The following ASB13 variants were observed in gnomAD, a reference collection of about 807,000 sequenced individuals.
The protein encoded by ASB13 is ankyrin repeat and SOCS box protein 13.
Under a neutral mutation model 28.8 loss-of-function variants are expected in ASB13, and 33 were observed. The observed-to-expected ratio is 1.15, with a 90% CI of 0.87 to 1.53. ASB13 has a LOEUF of 1.53. Ranked by LOEUF, ASB13 falls within the 40% of genes most tolerant of loss-of-function variation. ASB13 has a pLI of 0.00. For synonymous variants in ASB13, 182 were observed against 172.9 expected (o/e 1.05, Z -0.41); for missense variants, 414 against 390.1 (o/e 1.06, Z -0.52).
In ASB13 at chr10:5,649,032, G is replaced by T. The variant is rs764444666; in HGVS notation, c.455C>A (p.Thr152Asn). The change falls in exon 4 of 6, where the codon ACC (threonine) becomes AAC (asparagine). Residue 152 changes from threonine to asparagine, a missense_variant. Physicochemically the swap from Thr to Asn is moderately conservative, Grantham distance 65. Coordinates refer to ENST00000357700, the MANE Select transcript of ASB13 (RefSeq NM_024701.4). The surrounding 1 kb of genome is among the most constrained non-coding windows in gnomAD (Gnocchi z 6.4). ...NLEAHDCHFG[T>N]PLHVACAREH... is the part of the protein sequence containing the mutation. ...CCGGGCACAGGCAACGTGCAGAGGG[G>T]TCCCAAAATGGCAATCGTGCGCTTC... The T allele has an allele frequency of 6.2e-7, 1 of 1,614,270 alleles. No individual in the cohort carries two copies. Among genetic ancestry groups the T allele is most frequent in the Non-Finnish European group, 8.5e-7 (1 of 1,180,052 alleles).
chr10:5,665,121 T>G (rs759591437), intron 1 of ASB13, among the ~76,000 whole-genome samples: 3 of 152,302 alleles, frequency 2.0e-5, no homozygotes, highest in South Asian at 4.1e-4. Context: ...CCTCCCAAAG[T>G]GCTGGCATTA....
In ASB13 at chr10:5,666,544, G is replaced by T. The variant is rs1000192664; in HGVS notation, c.8C>A (p.Pro3His). 1 of 1,211,252 alleles carries T rather than the reference G, an allele frequency of 8.3e-7. No individual in the cohort carries two copies. 75.0% of individuals were successfully genotyped at this position (1,211,252 alleles called of 1,614,324 possible). Residue 3 changes from proline (P) to histidine (H), a missense_variant, in exon 1 of 6, where the codon CCC (proline) becomes CAC (histidine). By Grantham distance (77) the Pro-to-His change is moderately conservative. Coordinates refer to ENST00000357700, the MANE Select transcript of ASB13 (RefSeq NM_024701.4). ME[P>H]RAADGCFLGD... ...CAGGAAGCAGCCGTCCGCCGCCCGG[G>T]GCTCCATGCGGCTCACCGGCGGCCG...
At chr10:5,648,891 C>A (rs878961347) in intron 4 of ASB13, 79 bp downstream of exon 4, 2 of 1,563,174 alleles carry the variant, frequency 1.3e-6, no homozygotes, top group Non-Finnish European at 8.7e-7. Flanking sequence ...CCCACTTGGG[C>A]AAACACCCAC....
chr10:5,648,767 C>A (rs34682277), intron 4 of ASB13, among the ~76,000 whole-genome samples: 21,818 of 146,210 alleles, frequency 0.15, 962 homozygotes, highest in Middle Eastern at 0.23. Context: ...CTCAGGCAAA[C>A]ACCCACTGGG....
At position 5,651,415 on chromosome 10, in the gene ASB13, C is replaced by G; in HGVS notation, c.232-52G>C. 1 of 1,505,142 alleles carries G rather than the reference C, an allele frequency of 6.6e-7. No individual in the cohort carries two copies. The highest frequency in any genetic ancestry group is 2.2e-5 in the Admixed American group (1 of 46,218). The allele number at this position is 1,505,142 out of a possible 1,614,324, so 93.2% of individuals were successfully genotyped here. ...AAGGGCAGAGAAATGCCACGCAACCCACTTTCCCATCCTGCTGCAGGTTCA... is the reference window on the plus strand; with the variant it reads ...AAGGGCAGAGAAATGCCACGCAACCGACTTTCCCATCCTGCTGCAGGTTCA... On this transcript the variant is annotated intron_variant, in intron 2 of 5. Coordinates refer to ENST00000357700, the MANE Select transcript of ASB13 (RefSeq NM_024701.4). The surrounding 1 kb of genome is among the most constrained non-coding windows in gnomAD (Gnocchi z 5.1).
In ASB13 at chr10:5,661,192, C is replaced by T. The variant is rs1835159778; in HGVS notation, c.43+5317G>A. Among the ~76,000 whole-genome samples the T allele has an allele frequency of 2.0e-5, 3 of 152,148 alleles. No individual in the cohort carries two copies. The highest frequency in any genetic ancestry group is 1.3e-4 in the Admixed American group (2 of 15,280). On this transcript the variant is annotated intron_variant, in intron 1 of 5. Transcript: ENST00000357700. This position sits in a 1 kb window ranked among gnomAD's most constrained non-coding sequence, Gnocchi z 4.9. ...TCTAGGAGGCAGCTGGCCTGCTGGC[C>T]CCTGCACACTGCAGAGCTGGGCACC...
At chr10:5,666,465 C>T (rs1312284284) in intron 1 of ASB13, 44 bp downstream of exon 1, 3 of 1,277,180 alleles carry the variant, frequency 2.3e-6, no homozygotes, top group South Asian at 2.3e-5. Flanking sequence ...CCTCAGGAGC[C>T]GGCGCCGCTG....
chr10:5,642,065 C>A lies in ASB13; in HGVS notation c.518-104G>T. 2 of 1,139,864 alleles carry A rather than the reference C, an allele frequency of 1.8e-6. No homozygotes were observed. The highest frequency in any genetic ancestry group is 4.9e-5 in the East Asian group (2 of 40,770). 70.6% of individuals were successfully genotyped at this position (1,139,864 alleles called of 1,614,324 possible). ...CACAGCACGGTGGCAGAAGCAATCC[C>A]CACCCAGAAGACAAAATCAGGACAG... On this transcript the variant is annotated intron_variant, in intron 4 of 5. Transcript: ENST00000357700. This position sits in a 1 kb window ranked among gnomAD's most constrained non-coding sequence, Gnocchi z 4.1.
rs748031904 is a variant in ASB13 at position 5,659,317 on chromosome 10, GC to G, written c.44-6268del. On this transcript the variant is annotated intron_variant, in intron 1 of 5. Coordinates refer to ENST00000357700, the MANE Select transcript of ASB13 (RefSeq NM_024701.4). The surrounding 1 kb of genome is among the most constrained non-coding windows in gnomAD (Gnocchi z 5.8). ...ACCCACTGCTGCCACATAATAGGTT[GC>G]CCCCTCCCTAATGCAGATGATTGAC... Among the ~76,000 whole-genome samples the G allele has an allele frequency of 4.6e-5, 7 of 152,222 alleles. No homozygotes were observed. Among genetic ancestry groups the G allele is most frequent in the South Asian group, 4.2e-4 (2 of 4,812 alleles).
At position 5,664,189 on chromosome 10, in the gene ASB13, G is replaced by A. The variant is rs568016157; in HGVS notation, c.43+2320C>T. ...GGGAGGGCACTGAACGCAAAGGGAT[G>A]CGCAAATCCCCATAAACAACAGGAA... On this transcript the variant is annotated intron_variant, in intron 1 of 5. Coordinates refer to ENST00000357700, the MANE Select transcript of ASB13 (RefSeq NM_024701.4). The surrounding 1 kb of genome is among the most constrained non-coding windows in gnomAD (Gnocchi z 4.2). Among the ~76,000 whole-genome samples the A allele has an allele frequency of 1.1e-4, 17 of 152,210 alleles. No individual in the cohort carries two copies. Among genetic ancestry groups the A allele is most frequent in the African/African-American group, 3.6e-4 (15 of 41,516 alleles).
Position 5,652,864 on chromosome 10 carries a change from T to G in ASB13, c.230A>C (p.Gln77Pro). The G allele has an allele frequency of 6.5e-7, 1 of 1,540,562 alleles. No individual in the cohort carries two copies. Among genetic ancestry groups the G allele is most frequent in the Non-Finnish European group, 8.8e-7 (1 of 1,141,638 alleles). The change falls in exon 2 of 6, where the codon CAG (glutamine) becomes CCG (proline). Residue 77 changes from glutamine (Q) to proline (P), a missense_variant and splice_region_variant. By Grantham distance (76) the Gln-to-Pro change is moderately conservative. Coordinates refer to ENST00000357700, the MANE Select transcript of ASB13 (RefSeq NM_024701.4). The surrounding 1 kb of genome is among the most constrained non-coding windows in gnomAD (Gnocchi z 5.0). ...CVQLLLAAGA[Q>P]VDARNIDGST... is the part of the protein sequence containing the mutation. ...GGTCTGCCCTGAAGGGCCACTCACCTGGGCCCCAGCCGCCAGCAGCAGCTG... is the reference window on the plus strand; with the variant it reads ...GGTCTGCCCTGAAGGGCCACTCACCGGGGCCCCAGCCGCCAGCAGCAGCTG...
In ASB13 at chr10:5,641,876, A is replaced by G; in HGVS notation, c.603T>C (p.Leu201=). ...CGTAGATGTTGCCGCCAAACTCGAT[A>G]AGCATCTCGATGAGGTCAACATTCT... The part of the protein sequence containing the change: ...KVKNVDLIEM[L]IEFGGNIYAR... The change falls in exon 5 of 6, where the codon CTT becomes CTC. Residue 201 remains leucine (L), a synonymous_variant. Coordinates refer to ENST00000357700, the MANE Select transcript of ASB13 (RefSeq NM_024701.4). This position sits in a 1 kb window ranked among gnomAD's most constrained non-coding sequence, Gnocchi z 8.4. The G allele has an allele frequency of 1.2e-6, 2 of 1,614,068 alleles. No individual in the cohort carries two copies. Among genetic ancestry groups the G allele is most frequent in the South Asian group, 1.1e-5 (1 of 91,066 alleles).
Position 5,658,549 on chromosome 10 carries a change from G to T in ASB13, c.44-5499C>A, listed in dbSNP as rs2131455593. Among the ~76,000 whole-genome samples the T allele has an allele frequency of 6.6e-6, 1 of 152,282 alleles. No individual in the cohort carries two copies. The highest frequency in any genetic ancestry group is 1.9e-4 in the East Asian group (1 of 5,182). ...GGAAAGTAGAAAGGTAGTTGCCAGGGGCTTGGGGGAGGAGAAATGGGGAGT... is the reference window on the plus strand; with the variant it reads ...GGAAAGTAGAAAGGTAGTTGCCAGGTGCTTGGGGGAGGAGAAATGGGGAGT... On this transcript the variant is annotated intron_variant, in intron 1 of 5. Transcript: ENST00000357700. This position sits in a 1 kb window ranked among gnomAD's most constrained non-coding sequence, Gnocchi z 4.2.
rs1358658864 is a variant in ASB13 at position 5,645,446 on chromosome 10, A to G, written c.518-3485T>C. On this transcript the variant is annotated intron_variant, in intron 4 of 5. Coordinates refer to ENST00000357700, the MANE Select transcript of ASB13 (RefSeq NM_024701.4). This position sits in a 1 kb window ranked among gnomAD's most constrained non-coding sequence, Gnocchi z 5.4. ...TCAGATTAAAAATTACTTCACCATCATAACCGGACTTTCACCCTCCCCAGC... is the reference window on the plus strand; with the variant it reads ...TCAGATTAAAAATTACTTCACCATCGTAACCGGACTTTCACCCTCCCCAGC... Among the ~76,000 whole-genome samples the G allele has an allele frequency of 6.6e-6, 1 of 152,144 alleles. No homozygotes were observed. The highest frequency in any genetic ancestry group is 1.9e-4 in the East Asian group (1 of 5,196).
Position 5,642,654 on chromosome 10 carries a change from T to G in ASB13, c.518-693A>C, listed in dbSNP as rs1406354740. ...GTAGCTAAATATGGCTGGTTTTGGG[T>G]TTTTTTTTTTGAGACAGAGTCTCAC... On this transcript the variant is annotated intron_variant, in intron 4 of 5. Coordinates refer to ENST00000357700, the MANE Select transcript of ASB13 (RefSeq NM_024701.4). The surrounding 1 kb of genome is among the most constrained non-coding windows in gnomAD (Gnocchi z 4.1). 1.3e-4 allele frequency: 32 copies of G among 249,410 alleles called. No homozygotes were observed. The highest frequency in any genetic ancestry group is 7.0e-4 in the African/African-American group (7 of 10,030). The allele number at this position is 249,410 out of a possible 1,614,324, so 15.4% of individuals were successfully genotyped here.
chr10:5,642,747 A>G lies in ASB13; in HGVS notation c.518-786T>C, dbSNP rs1834829572. On this transcript the variant is annotated intron_variant, in intron 4 of 5. Transcript: ENST00000357700. This position sits in a 1 kb window ranked among gnomAD's most constrained non-coding sequence, Gnocchi z 4.1. Reference sequence around the variant, plus strand: ...CTGCAACCTCCGCCTCCAGGGTTCAAGCGATTCTCCTGCCTCAGCCTCCCG... The same window carrying G: ...CTGCAACCTCCGCCTCCAGGGTTCAGGCGATTCTCCTGCCTCAGCCTCCCG... 6.6e-6 allele frequency among the ~76,000 whole-genome samples: 1 copy of G among 151,816 alleles called. No homozygotes were observed. Among genetic ancestry groups the G allele is most frequent in the East Asian group, 1.9e-4 (1 of 5,176 alleles).
In ASB13 at chr10:5,651,528, GGAGCACCGACGGCCTCCT is replaced by G; in HGVS notation, c.232-183_232-166del. On this transcript the variant is annotated intron_variant, in intron 2 of 5. Coordinates refer to ENST00000357700, the MANE Select transcript of ASB13 (RefSeq NM_024701.4). The surrounding 1 kb of genome is among the most constrained non-coding windows in gnomAD (Gnocchi z 5.1). ...ACTGAAAGAGATAGCACGTGGCTGC[GGAGCACCGACGGCCTCCT>G]GAGTAGAGAAGTCATCTCGTTCAGG... 6 of 733,014 alleles carry G rather than the reference GGAGCACCGACGGCCTCCT, an allele frequency of 8.2e-6. No homozygotes were observed. Among genetic ancestry groups the G allele is most frequent in the Non-Finnish European group, 1.3e-5 (6 of 465,242 alleles). 45.4% of individuals were successfully genotyped at this position (733,014 alleles called of 1,614,324 possible).
In ASB13 at chr10:5,660,937, C is replaced by G. The variant is rs1835149632; in HGVS notation, c.43+5572G>C. On this transcript the variant is annotated intron_variant, in intron 1 of 5. Transcript: ENST00000357700. This position sits in a 1 kb window ranked among gnomAD's most constrained non-coding sequence, Gnocchi z 6.1. ...TCTCGCCAGCTGGCTGCTGCACAGC[C>G]AGGTTCTGCTGGCCGGAGACCACCA... is the stretch of plus-strand genomic sequence containing the variant. Among the ~76,000 whole-genome samples the G allele has an allele frequency of 2.0e-5, 3 of 152,364 alleles. No homozygotes were observed. The highest frequency in any genetic ancestry group is 2.0e-4 in the Admixed American group (3 of 15,312).
rs992589308 is a variant in ASB13, at chr10:5,642,806, G to A, written c.518-845C>T. 4.6e-5 allele frequency among the ~76,000 whole-genome samples: 7 copies of A among 151,996 alleles called. No individual in the cohort carries two copies. Among genetic ancestry groups the A allele is most frequent in the African/African-American group, 7.2e-5 (3 of 41,380 alleles). On this transcript the variant is annotated intron_variant, in intron 4 of 5. Transcript: ENST00000357700. This position sits in a 1 kb window ranked among gnomAD's most constrained non-coding sequence, Gnocchi z 4.1. ...GGATGACAGGTGTGCCACCATGCCC[G>A]GCTAATTTTTCTATTTTTTGTAGAG...
Sources: allele counts gnomAD v4.1 joint callset (sites outside exome capture counted in the v4.1 genomes callset), GRCh38; gene constraint gnomAD v4.1.1; non-coding constraint Gnocchi (gnomAD v3.1); transcripts MANE v1.5; gene names NCBI Gene and HGNC (gene_info 2026-07-23, HGNC 2026-07-21).